CFAP47: variants seen among roughly 807,000 people sequenced by gnomAD.
CFAP47 encodes cilia- and flagella-associated protein 47.
Under a neutral mutation model 148.1 loss-of-function variants are expected in CFAP47, and 29 were observed. That is an observed-to-expected ratio of 0.20 (90% CI 0.15 to 0.27). CFAP47 has a LOEUF of 0.27. Ranked by LOEUF, CFAP47 falls within the 10% of genes least tolerant of loss-of-function variation. The pLI is 1.00. For synonymous variants in CFAP47, 664 were observed against 577.3 expected (o/e 1.15, Z -2.15); for missense variants, 1,872 against 1,697.5 (o/e 1.10, Z -1.81).
intron 15 of CFAP47, among the ~76,000 whole-genome samples, chrX:35,986,475 T>C (rs1936716622): frequency 9.2e-6 from 1 of 109,129 alleles, no homozygotes; most frequent in African/African-American, 3.3e-5. Context: ...TATGTTCTTC[T>C]CTAAACTGGT....
intron 8 of CFAP47, among the ~76,000 whole-genome samples, chrX:35,958,943 C>A (rs1936283759): frequency 1.8e-5 from 2 of 111,423 alleles, no homozygotes; most frequent in Admixed American, 9.5e-5. Context: ...TAATGGAAGA[C>A]TTTACTGTCC....
intron 60 of CFAP47, among the ~76,000 whole-genome samples, chrX:36,358,152 C>G (rs1175658696): frequency 9.0e-6 from 1 of 111,617 alleles, no homozygotes; most frequent in African/African-American, 3.3e-5. Flanking sequence ...CTTCATTCAG[C>G]CTTTGTCCTG....
chrX:36,117,662 A>AT (rs977170471), intron 33 of CFAP47, among the ~76,000 whole-genome samples: 8 of 111,495 alleles, frequency 7.2e-5, no homozygotes, highest in Non-Finnish European at 1.3e-4. Context: ...ACAGATGGGT[A>AT]TTTTTCAAAC....
At chrX:36,000,237 C>T (rs2146691645) in intron 19 of CFAP47, 46 bp from the exon 20 acceptor site, 1 of 278,720 alleles carries the variant, frequency 3.6e-6, no homozygotes, top group African/African-American at 2.8e-5. Flanking sequence ...TTTACATTTT[C>T]ATAAACTATT....
intron 26 of CFAP47, 144 bp from the exon 27 acceptor site, chrX:36,065,499 G>T: frequency 2.4e-6 from 1 of 424,137 alleles, no homozygotes; most frequent in South Asian, 3.8e-5. Context: ...ACATTGAGTA[G>T]ATGGTTAAAA....
chrX:36,113,299 C>T (rs1348354333), intron 33 of CFAP47, among the ~76,000 whole-genome samples: 2 of 111,483 alleles, frequency 1.8e-5, no homozygotes, highest in Admixed American at 9.6e-5. Context: ...GTAACAAATT[C>T]CAACATTTGC....
intron 61 of CFAP47, among the ~76,000 whole-genome samples, chrX:36,362,396 TGTAA>T (rs1317101101): frequency 3.6e-5 from 4 of 112,205 alleles, no homozygotes; most frequent in African/African-American, 1.3e-4. Context: ...AGCTCTTACT[TGTAA>T]GTGAGAACAT....
chrX:36,363,413 C>T (rs1427355637), intron 61 of CFAP47, among the ~76,000 whole-genome samples: 4 of 111,137 alleles, frequency 3.6e-5, no homozygotes, highest in Non-Finnish European at 7.6e-5. Flanking sequence ...AACTGTAACA[C>T]ATTGGTAAAC....
intron 45 of CFAP47, among the ~76,000 whole-genome samples, chrX:36,227,351 T>C (rs1555991684): frequency 8.9e-6 from 1 of 111,834 alleles, no homozygotes; most frequent in East Asian, 2.8e-4. Context: ...ATATGTACTA[T>C]TCAATGTAGC....
chrX:36,089,080 A>G (rs1041445497), intron 30 of CFAP47, among the ~76,000 whole-genome samples: 1 of 112,236 alleles, frequency 8.9e-6, no homozygotes, highest in Admixed American at 9.5e-5. Flanking sequence ...AAAATTTTAT[A>G]TCCTGGGCTG....
At chrX:36,292,803 G>A (rs1313329160) in intron 51 of CFAP47, among the ~76,000 whole-genome samples, 4 of 111,497 alleles carry the variant, frequency 3.6e-5, no homozygotes, top group Non-Finnish European at 7.5e-5. Context: ...AAGTAAGGAG[G>A]CAGGCTGAAT....
intron 29 of CFAP47, among the ~76,000 whole-genome samples, chrX:36,081,819 G>A (rs1937988509): frequency 1.8e-5 from 2 of 111,205 alleles, no homozygotes; most frequent in Admixed American, 9.6e-5. Context: ...TCTCAACAGA[G>A]TCACCAGCAA....
Position 36,096,985 on chromosome X carries a change from G to C in CFAP47, c.4917-1808G>C, listed in dbSNP as rs954031447. Among the ~76,000 whole-genome samples, 3 of 109,599 alleles carry C rather than the reference G, an allele frequency of 2.7e-5. No homozygotes were observed. The South Asian group carries it at 1.1e-3, about 41-fold the overall frequency. ...TTTTGCTTCTTGCTTTTTATTTTTT[G>C]TGTATCTGTCATATGTTTTGTGGTT... On this transcript the variant is annotated intron_variant, in intron 30 of 63. Transcript: ENST00000378653.
intron 8 of CFAP47, among the ~76,000 whole-genome samples, chrX:35,961,396 C>T (rs1388241881): frequency 9.0e-6 from 1 of 111,689 alleles, no homozygotes; most frequent in East Asian, 2.8e-4. Flanking sequence ...GAAGGATTGG[C>T]ACTAATTCTT....
intron 23 of CFAP47, among the ~76,000 whole-genome samples, chrX:36,035,336 A>T (rs1223709917): frequency 2.7e-5 from 3 of 111,463 alleles, no homozygotes; most frequent in Non-Finnish European, 3.8e-5. Flanking sequence ...ACATTCAATG[A>T]GGTTATTTCA....
chrX:36,127,327 CCAA>C (rs1232823457), intron 33 of CFAP47, among the ~76,000 whole-genome samples: 1 of 111,772 alleles, frequency 8.9e-6, no homozygotes, highest in African/African-American at 3.3e-5. Context: ...GCCAGTTTTC[CCAA>C]CAACATTTAT....
At chrX:36,007,547 T>C (rs1187967534) in intron 21 of CFAP47, among the ~76,000 whole-genome samples, 1 of 112,417 alleles carries the variant, frequency 8.9e-6, no homozygotes, top group Non-Finnish European at 1.9e-5. Context: ...ATGATAGGGC[T>C]CGTCTTTTCT....
chrX:36,353,677 C>A lies in CFAP47; in HGVS notation c.8847C>A (p.Pro2949=), dbSNP rs1373169505. 8.7e-7 allele frequency: 1 copy of A among 1,145,433 alleles called. No individual in the cohort carries two copies. The highest frequency in any genetic ancestry group is 2.0e-5 in the South Asian group (1 of 50,703). The allele number at this position is 1,145,433 out of a possible 1,213,427, so 94.4% of individuals were successfully genotyped here. Residue 2949 remains proline, a synonymous_variant, in exon 60 of 64, where the codon CCC becomes CCA. Coordinates refer to ENST00000378653, the MANE Select transcript of CFAP47 (RefSeq NM_001304548.2). The stretch of plus-strand genomic sequence containing the variant: ...ATTCACATAATTTTTGTGAGGATCC[C>A]AATGGTAAGAGAACTACGGTTATAG... ...KRNSHNFCED[P]NEIPKIHEFE... is the part of the protein sequence containing the mutation.
chrX:36,375,842 G>T (rs1284290027), intron 62 of CFAP47, among the ~76,000 whole-genome samples: 3 of 111,977 alleles, frequency 2.7e-5, no homozygotes, highest in Non-Finnish European at 5.6e-5. Flanking sequence ...GTAGCTTCAG[G>T]CTGTGAGAGA....
Sources: allele counts gnomAD v4.1 joint callset (sites outside exome capture counted in the v4.1 genomes callset), GRCh38; gene constraint gnomAD v4.1.1; transcripts MANE v1.5; gene names NCBI Gene and HGNC (gene_info 2026-07-23, HGNC 2026-07-21).